The following AFF2 variants were observed in gnomAD, a reference collection of about 807,000 sequenced individuals.
The protein encoded by AFF2 is AF4/FMR2 family member 2.
In AFF2, 14 loss-of-function variants were observed where a neutral mutation model predicts 76.9. The ratio of observed to expected loss-of-function variants is 0.18; its 90% CI spans 0.12 to 0.28. The LOEUF (loss-of-function observed/expected upper bound fraction) is 0.28. Among genes scored for constraint, AFF2 ranks in the 10% least tolerant of loss-of-function variants. The pLI is 1.00. For missense variants in AFF2, 868 were observed against 1,001.1 expected (o/e 0.87, Z 1.79); for synonymous variants, 398 against 366.7 (o/e 1.09, Z -0.98).
chrX:148,569,012 G>C (rs1388817943), intron 1 of AFF2, among the ~76,000 whole-genome samples: 3 of 111,214 alleles, frequency 2.7e-5, no homozygotes, highest in South Asian at 3.8e-4. Context: ...TGATTTCCTT[G>C]AAACTGTTCT....
At chrX:148,984,825 A>G (rs781910895) in intron 19 of AFF2, among the ~76,000 whole-genome samples, 3 of 111,357 alleles carry the variant, frequency 2.7e-5, no homozygotes, top group African/African-American at 9.8e-5. Context: ...ATTGAATCCA[A>G]CCTTTTCTTG....
intron 9 of AFF2, among the ~76,000 whole-genome samples, chrX:148,941,235 G>T (rs1232550454): frequency 9.0e-6 from 1 of 111,643 alleles, no homozygotes; most frequent in African/African-American, 3.3e-5. Context: ...TTCTTAATGT[G>T]AGTGTGTCAT....
chrX:148,622,308 T>C (rs1016036027), intron 1 of AFF2, among the ~76,000 whole-genome samples: 4 of 111,632 alleles, frequency 3.6e-5, no homozygotes, highest in African/African-American at 1.3e-4. Flanking sequence ...ACACACAAAA[T>C]TGTGGGAGTT....
chrX:148,706,483 G>A (rs1201689528), intron 3 of AFF2, among the ~76,000 whole-genome samples: 6 of 112,359 alleles, frequency 5.3e-5, no homozygotes, highest in African/African-American at 1.3e-4. Flanking sequence ...CATGTCATAC[G>A]ACATTCATGG....
chrX:148,669,381 T>A (rs1180818603), intron 3 of AFF2, among the ~76,000 whole-genome samples: 1 of 111,753 alleles, frequency 8.9e-6, no homozygotes, highest in Admixed American at 9.5e-5. Flanking sequence ...AGCACCCCAC[T>A]CCTGGTACCA....
intron 1 of AFF2, among the ~76,000 whole-genome samples, chrX:148,590,556 G>A (rs1192706727): frequency 8.9e-6 from 1 of 111,922 alleles, no homozygotes; most frequent in East Asian, 2.8e-4. Context: ...GCTAGGAAAT[G>A]GGTGACAAAC....
At chrX:148,864,874 C>G (rs1390555544) in intron 7 of AFF2, among the ~76,000 whole-genome samples, 1 of 111,768 alleles carries the variant, frequency 8.9e-6, no homozygotes, top group Non-Finnish European at 1.9e-5. Context: ...TGGGAAAAGT[C>G]GACTGAAAAA....
intron 5 of AFF2, among the ~76,000 whole-genome samples, chrX:148,839,894 G>GGTGTGTGTGTGTGTGTGTGT (rs200060298): frequency 1.2e-3 from 108 of 87,023 alleles, no homozygotes; most frequent in African/African-American, 4.0e-3. Context: ...GTTGGGGCAT[G>GGTGTGTGTGTGTGTGTGTGT]GTGTGTGTGT....
chrX:148,594,739 G>A (rs1342599756), intron 1 of AFF2, among the ~76,000 whole-genome samples: 5 of 112,078 alleles, frequency 4.5e-5, no homozygotes, highest in Non-Finnish European at 9.4e-5. Flanking sequence ...GGAGTGAAGA[G>A]GGTATAAAAT....
rs782306770 is a variant in AFF2 at position 148,883,756 on chromosome X, C to T, written c.1263-2133C>T. On this transcript the variant is annotated intron_variant, in intron 7 of 20. Coordinates refer to ENST00000370460, the MANE Select transcript of AFF2 (RefSeq NM_002025.4). ...TAGCTGTGTGTTCACAAGCAAGCTCCTTAACCTGTCTAAACCTCAGAGTCT... is the reference window on the plus strand; with the variant it reads ...TAGCTGTGTGTTCACAAGCAAGCTCTTTAACCTGTCTAAACCTCAGAGTCT... Among the ~76,000 whole-genome samples, 4 of 111,288 alleles carry T rather than the reference C, an allele frequency of 3.6e-5. No homozygotes were observed. The East Asian group carries it at 8.5e-4, about 24-fold the overall frequency.
At chrX:148,884,248 C>T (rs1270152331) in intron 7 of AFF2, among the ~76,000 whole-genome samples, 4 of 112,109 alleles carry the variant, frequency 3.6e-5, no homozygotes, top group Admixed American at 9.4e-5. Flanking sequence ...TTTAGTTTAT[C>T]CGAAAGCCAC....
intron 3 of AFF2, among the ~76,000 whole-genome samples, chrX:148,699,960 A>T (rs2054765232): frequency 8.9e-6 from 1 of 112,102 alleles, no homozygotes; most frequent in Admixed American, 9.4e-5. Flanking sequence ...ACAGTAATTT[A>T]TGCATTTCAC....
chrX:148,723,228 A>C (rs1395782529), intron 3 of AFF2, among the ~76,000 whole-genome samples: 1 of 111,940 alleles, frequency 8.9e-6, no homozygotes, highest in African/African-American at 3.2e-5. Flanking sequence ...AGGCTAGCCA[A>C]CCTCATGGCC....
intron 13 of AFF2, among the ~76,000 whole-genome samples, chrX:148,963,422 T>A (rs1239272693): frequency 8.9e-6 from 1 of 112,057 alleles, no homozygotes; most frequent in Non-Finnish European, 1.9e-5. Flanking sequence ...AACTCTTGTA[T>A]AGTGCTAGCA....
At chrX:148,510,398 T>C (rs782028174) in intron 1 of AFF2, among the ~76,000 whole-genome samples, 3 of 111,569 alleles carry the variant, frequency 2.7e-5, no homozygotes, top group Non-Finnish European at 3.8e-5. Context: ...ACTGGTAGTA[T>C]GTTGCTGAGC....
chrX:148,518,256 C>T (rs782691028), intron 1 of AFF2, among the ~76,000 whole-genome samples: 1 of 111,343 alleles, frequency 9.0e-6, no homozygotes, highest in African/African-American at 3.3e-5. Context: ...CTAAAAAAAC[C>T]AAACAGAGCC....
rs1023597690 is a variant in AFF2, at chrX:148,999,703, A to G, written c.*8371A>G. ...TTCCCTTCTTGAAAAACATTATTTTACAGTTCCAGGAGGCCCTGGTTACAT... is the reference window on the plus strand; with the variant it reads ...TTCCCTTCTTGAAAAACATTATTTTGCAGTTCCAGGAGGCCCTGGTTACAT... On this transcript the variant is annotated 3_prime_UTR_variant, in exon 21 of 21. Transcript: ENST00000370460. The G allele has an allele frequency of 1.2e-4, 14 of 112,242 alleles. No homozygotes were observed. The East Asian group carries it at 3.4e-3, about 27-fold the overall frequency. The allele number at this position is 112,242 out of a possible 1,213,427, so 9.3% of individuals were successfully genotyped here. A position where few individuals can be genotyped will look rare whatever the true frequency, so the allele number is the denominator to read the frequency against.
At chrX:148,613,087 C>A (rs782214424) in intron 1 of AFF2, among the ~76,000 whole-genome samples, 6 of 111,702 alleles carry the variant, frequency 5.4e-5, no homozygotes, top group Non-Finnish European at 9.4e-5. Flanking sequence ...TTATGGCCTG[C>A]TTCCATTTTA....
intron 3 of AFF2, among the ~76,000 whole-genome samples, chrX:148,735,525 CAAAT>C (rs1159510838): frequency 6.3e-5 from 7 of 111,840 alleles, no homozygotes; most frequent in African/African-American, 2.3e-4. Context: ...CTTATGTAAA[CAAAT>C]GAATGCAATT....
Sources: gnomAD v4.1 joint callset for allele counts (sites outside exome capture counted in the v4.1 genomes callset) on GRCh38, gnomAD v4.1.1 for gene constraint, MANE v1.5 for transcripts, NCBI Gene and HGNC (gene_info 2026-07-23, HGNC 2026-07-21) for gene names.